Variants in SNX10 observed in about 807,000 individuals in gnomAD.
SNX10 encodes the protein sorting nexin 10, also known as sorting nexin-10.
A neutral mutation model predicts 28.5 loss-of-function variants in SNX10; 25 were observed. That is an observed-to-expected ratio of 0.88 (90% CI 0.64 to 1.22). The LOEUF (loss-of-function observed/expected upper bound fraction) is 1.22. SNX10 is among the 50% of genes most tolerant of loss of function. SNX10 has a pLI of 0.00. For missense variants in SNX10, 223 were observed against 242.6 expected (o/e 0.92, Z 0.54); for synonymous variants, 62 against 81.4 (o/e 0.76, Z 1.28).
chr7:26,354,883 C>A (rs1788754590), intron 2 of SNX10, among the ~76,000 whole-genome samples: 1 of 151,896 alleles, frequency 6.6e-6, no homozygotes, highest in African/African-American at 2.4e-5. Flanking sequence ...AGTTGAAGAA[C>A]TCTTCTCCTA....
chr7:26,295,723 G>C (rs1786081508), intron 1 of SNX10, among the ~76,000 whole-genome samples: 1 of 152,206 alleles, frequency 6.6e-6, no homozygotes, highest in Non-Finnish European at 1.5e-5. Context: ...CATGAGGCCA[G>C]CAAAGCTGCC....
intron 1 of SNX10, among the ~76,000 whole-genome samples, chr7:26,339,559 A>G (rs1239595948): frequency 1.8e-5 from 2 of 111,670 alleles, no homozygotes; most frequent in African/African-American, 7.2e-5. Context: ...TTTTTGACAG[A>G]GTCTCACTCA....
chr7:26,324,780 A>T (rs1352700175), intron 1 of SNX10, among the ~76,000 whole-genome samples: 1 of 152,208 alleles, frequency 6.6e-6, no homozygotes, highest in Non-Finnish European at 1.5e-5. Context: ...AACCCAGGCC[A>T]TGTGGTCACC....
At position 26,325,362 on chromosome 7, in the gene SNX10, G is replaced by A. The variant is rs375405778; in HGVS notation, c.-23-21058G>A. ...GAGTCTCGCTGTGTTGCCCAGGCCA[G>A]AAGTGCAGTGGCACGATCTTGGATC... On this transcript the variant is annotated intron_variant, in intron 1 of 6. Transcript: ENST00000338523. Among the ~76,000 whole-genome samples, 106 of 109,100 alleles carry A rather than the reference G, an allele frequency of 9.7e-4. 1 individual carries two copies. The highest frequency in any genetic ancestry group is 3.1e-3 in the African/African-American group (101 of 32,484). 71.6% of individuals were successfully genotyped at this position (109,100 alleles called of 152,430 possible).
chr7:26,343,584 T>C (rs988869451), intron 1 of SNX10, among the ~76,000 whole-genome samples: 2 of 152,186 alleles, frequency 1.3e-5, no homozygotes, highest in Non-Finnish European at 2.9e-5. Context: ...GGTTGTGTAA[T>C]GGGGCAGAGA....
intron 1 of SNX10, among the ~76,000 whole-genome samples, chr7:26,324,001 G>A (rs1262772258): frequency 2.6e-5 from 4 of 152,176 alleles, no homozygotes; most frequent in Non-Finnish European, 5.9e-5. Flanking sequence ...CCTCCTAATA[G>A]TAATTGTATT....
intron 1 of SNX10, among the ~76,000 whole-genome samples, chr7:26,297,884 A>G (rs1196923977): frequency 6.6e-6 from 1 of 152,126 alleles, no homozygotes; most frequent in African/African-American, 2.4e-5. Context: ...TATATGTAAC[A>G]CATTTTTTAA....
At chr7:26,359,292 T>C (rs1393924263) in intron 2 of SNX10, among the ~76,000 whole-genome samples, 1 of 152,016 alleles carries the variant, frequency 6.6e-6, no homozygotes, top group Non-Finnish European at 1.5e-5. Context: ...ATTTTCAGAG[T>C]GTGGTGTATT....
intron 1 of SNX10, among the ~76,000 whole-genome samples, chr7:26,318,799 T>A (rs2127999727): frequency 6.6e-6 from 1 of 152,316 alleles, no homozygotes; most frequent in Non-Finnish European, 1.5e-5. Context: ...TATACTTAAT[T>A]TTTCTTGTAT....
At chr7:26,316,111 G>C (rs1787073410) in intron 1 of SNX10, among the ~76,000 whole-genome samples, 1 of 150,714 alleles carries the variant, frequency 6.6e-6, no homozygotes, top group Non-Finnish European at 1.5e-5. Flanking sequence ...GTGAACCCCA[G>C]AGGCAGAGCT....
intron 1 of SNX10, among the ~76,000 whole-genome samples, chr7:26,331,769 C>T: frequency 6.6e-6 from 1 of 152,110 alleles, no homozygotes; most frequent in East Asian, 1.9e-4. Context: ...TCTCCCAGTC[C>T]CAGTCCCAGT....
chr7:26,370,135 T>C (rs538782232), intron 5 of SNX10, among the ~76,000 whole-genome samples: 3 of 152,360 alleles, frequency 2.0e-5, no homozygotes, highest in Non-Finnish European at 2.9e-5. Context: ...CTTGTACTTA[T>C]GGCAGGCAGG....
rs1057507309 is a variant in SNX10 at position 26,373,860 on chromosome 7, G to A, written c.*1288G>A. ...TTAAAAGCTATTGTATTATTAAAAA[G>A]TCTTTACAATGCTTGTTTCAAAGAA... On this transcript the variant is annotated 3_prime_UTR_variant, in exon 7 of 7. Coordinates refer to ENST00000338523, the MANE Select transcript of SNX10 (RefSeq NM_013322.3). This position sits in a 1 kb window ranked among gnomAD's most constrained non-coding sequence, Gnocchi z 4.2. 1 of 151,698 alleles carries A rather than the reference G, an allele frequency of 6.6e-6. No individual in the cohort carries two copies. The highest frequency in any genetic ancestry group is 2.4e-5 in the African/African-American group (1 of 41,332). The allele number at this position is 151,698 out of a possible 1,614,324, so 9.4% of individuals were successfully genotyped here. A position where few individuals can be genotyped will look rare whatever the true frequency, so the allele number is the denominator to read the frequency against.
At chr7:26,317,994 C>T (rs935141083) in intron 1 of SNX10, among the ~76,000 whole-genome samples, 18 of 152,024 alleles carry the variant, frequency 1.2e-4, no homozygotes, top group African/African-American at 2.2e-4. Flanking sequence ...CAAATGTCTT[C>T]GGCATCTAGG....
intron 5 of SNX10, 44 bp from the exon 6 acceptor site, chr7:26,371,777 A>AC: frequency 7.3e-7 from 1 of 1,373,128 alleles, no homozygotes; most frequent in South Asian, 1.2e-5. Context: ...CCTATCACTG[A>AC]CCATCCTGTT....
chr7:26,354,238 T>A (rs745414087), intron 2 of SNX10: 1 of 152,266 alleles, frequency 6.6e-6, no homozygotes, highest in East Asian at 1.9e-4. Context: ...TGGTTAACGA[T>A]GTCGAACATC....
chr7:26,374,371 C>A lies in SNX10; in HGVS notation c.*1799C>A, dbSNP rs894790109. The A allele has an allele frequency of 7.9e-5, 12 of 152,000 alleles. No individual in the cohort carries two copies. The highest frequency in any genetic ancestry group is 2.9e-4 in the African/African-American group (12 of 41,502). The allele number at this position is 152,000 out of a possible 1,614,324, so 9.4% of individuals were successfully genotyped here. ...ATTTTATACAAGAGAATATATTCTG[C>A]CTTAGACCCAAACTCAGTGTTTTTT... On this transcript the variant is annotated 3_prime_UTR_variant, in exon 7 of 7. Coordinates refer to ENST00000338523, the MANE Select transcript of SNX10 (RefSeq NM_013322.3).
intron 1 of SNX10, among the ~76,000 whole-genome samples, chr7:26,328,824 C>CT (rs1239820631): frequency 1.3e-5 from 2 of 152,220 alleles, no homozygotes; most frequent in African/African-American, 4.8e-5. Context: ...TGCAACATGT[C>CT]TCACAGAGAA....
chr7:26,294,261 G>C (rs990955666), intron 1 of SNX10, among the ~76,000 whole-genome samples: 9 of 152,212 alleles, frequency 5.9e-5, no homozygotes, highest in African/African-American at 1.9e-4. Flanking sequence ...TCTAAGCCCT[G>C]TTCAAAGAGG....
Sources: allele counts gnomAD v4.1 joint callset (sites outside exome capture counted in the v4.1 genomes callset), GRCh38; gene constraint gnomAD v4.1.1; non-coding constraint Gnocchi (gnomAD v3.1); transcripts MANE v1.5; gene names NCBI Gene and HGNC (gene_info 2026-07-23, HGNC 2026-07-21).